FAP: variants seen among roughly 807,000 people sequenced by gnomAD.
FAP encodes the protein fibroblast activation protein alpha, also known as prolyl endopeptidase FAP.
Under a neutral mutation model 126.5 loss-of-function variants are expected in FAP, and 110 were observed. That is an observed-to-expected ratio of 0.87 (90% CI 0.74 to 1.02). The LOEUF (loss-of-function observed/expected upper bound fraction) is 1.02, where lower values mean the gene tolerates loss of function less well. Ranked by LOEUF, FAP falls within the 50% of genes least tolerant of loss-of-function variation. FAP has a pLI of 0.00. For missense variants in FAP, 919 were observed against 909.2 expected (o/e 1.01, Z -0.14); for synonymous variants, 334 against 297.3 (o/e 1.12, Z -1.27).
chr2:162,242,068 T>C (rs1189670363), intron 2 of FAP, among the ~76,000 whole-genome samples: 1 of 152,178 alleles, frequency 6.6e-6, no homozygotes, highest in Non-Finnish European at 1.5e-5. Context: ...TCATAAACTT[T>C]TAGTATTTAT....
intron 18 of FAP, among the ~76,000 whole-genome samples, chr2:162,189,414 T>C (rs1390023230): frequency 6.6e-6 from 1 of 151,956 alleles, no homozygotes; most frequent in Non-Finnish European, 1.5e-5. Context: ...ATAAGCTCTT[T>C]TTAAAAAAAC....
At chr2:162,172,993 C>T (rs1352744010) in intron 24 of FAP, 109 bp from the exon 25 acceptor site, 4 of 1,116,894 alleles carry the variant, frequency 3.6e-6, no homozygotes, top group Non-Finnish European at 5.5e-6. Context: ...ATGCATTTGA[C>T]ATTGTCAGCA....
chr2:162,197,800 C>A, intron 16 of FAP: 1 of 355,652 alleles, frequency 2.8e-6, no homozygotes, highest in Non-Finnish European at 5.5e-6. Context: ...CATACCCCTA[C>A]CAGGGGAGCT....
At chr2:162,171,324 A>G (rs1021452701) in intron 25 of FAP, 2 of 344,640 alleles carry the variant, frequency 5.8e-6, no homozygotes, top group Non-Finnish European at 1.1e-5. Flanking sequence ...ATCTCGCATC[A>G]TCCAGCATCC....
intron 17 of FAP, among the ~76,000 whole-genome samples, chr2:162,190,364 A>G (rs1447333599): frequency 6.6e-6 from 1 of 151,972 alleles, no homozygotes; most frequent in Non-Finnish European, 1.5e-5. Context: ...GTAGTGATAT[A>G]TCTGAGTAAG....
At chr2:162,216,049 C>T (rs906356710) in intron 9 of FAP, 48 bp from the exon 10 acceptor site, 6 of 1,361,496 alleles carry the variant, frequency 4.4e-6, no homozygotes, top group African/African-American at 4.3e-5. Context: ...CCAATTATCA[C>T]CAACATTTTA....
chr2:162,235,219 G>A (rs993865105), intron 2 of FAP, among the ~76,000 whole-genome samples: 2 of 139,924 alleles, frequency 1.4e-5, no homozygotes, highest in Admixed American at 7.1e-5. Flanking sequence ...GCTCCTGCAC[G>A]GCCTGAGCCT....
At chr2:162,198,042 T>A in intron 16 of FAP, 1 of 633,312 alleles carries the variant, frequency 1.6e-6, no homozygotes, top group South Asian at 1.9e-5. Flanking sequence ...ATGCTCAAGA[T>A]ATAGATAAAA....
rs947333720 is a variant in FAP at position 162,219,324 on chromosome 2, G to T, written c.487-141C>A. 9 of 730,432 alleles carry T rather than the reference G, an allele frequency of 1.2e-5. No homozygotes were observed. In the South Asian group the frequency reaches 1.9e-4, roughly 15 times the overall value. The allele number at this position is 730,432 out of a possible 1,614,324, so 45.2% of individuals were successfully genotyped here. ...CACAACTAAAATACCATTTTAATAG[G>T]TCAAAAAATCCAACCAACTCACATT... On this transcript the variant is annotated intron_variant, in intron 7 of 25. Coordinates refer to ENST00000188790, the MANE Select transcript of FAP (RefSeq NM_004460.5).
At chr2:162,190,199 T>C (rs1337553845) in intron 17 of FAP, among the ~76,000 whole-genome samples, 1 of 152,116 alleles carries the variant, frequency 6.6e-6, no homozygotes. Flanking sequence ...AATTTGCTTT[T>C]TAATTTTTAA....
intron 11 of FAP, among the ~76,000 whole-genome samples, chr2:162,210,642 C>T (rs1034787498): frequency 2.6e-5 from 4 of 152,084 alleles, no homozygotes; most frequent in African/African-American, 9.7e-5. Context: ...AACTTTATGG[C>T]ACCCTAAGAA....
intron 14 of FAP, among the ~76,000 whole-genome samples, chr2:162,202,047 T>C (rs902663862): frequency 6.6e-6 from 1 of 152,242 alleles, no homozygotes; most frequent in Non-Finnish European, 1.5e-5. Flanking sequence ...TTTTATTCCA[T>C]GAGCCTGGAC....
intron 6 of FAP, chr2:162,221,727 A>G: frequency 2.2e-6 from 1 of 456,658 alleles, no homozygotes; most frequent in Non-Finnish European, 4.4e-6. Context: ...TTTCTGAGTC[A>G]CTAAAGGTAT....
At chr2:162,206,849 A>G (rs77457066) in intron 12 of FAP, among the ~76,000 whole-genome samples, 5,336 of 152,326 alleles carry the variant, frequency 0.035, 141 homozygotes, top group Non-Finnish European at 0.053. Flanking sequence ...TAAAGTTCGC[A>G]GGAAACCTAT....
chr2:162,180,838 A>C (rs1687671746), intron 21 of FAP, among the ~76,000 whole-genome samples: 1 of 152,198 alleles, frequency 6.6e-6, no homozygotes, highest in Admixed American at 6.5e-5. Flanking sequence ...CATTTGAAAC[A>C]TGGAGCACAG....
intron 12 of FAP, chr2:162,209,735 T>A: frequency 1.9e-6 from 1 of 517,386 alleles, no homozygotes. Context: ...AATTGGGACA[T>A]GAGGAGTATG....
chr2:162,195,087 G>A, intron 16 of FAP: 1 of 288,908 alleles, frequency 3.5e-6, no homozygotes. Flanking sequence ...TATTGGGCCA[G>A]TTTTGGCTGT....
intron 16 of FAP, 162 bp from the exon 17 acceptor site, chr2:162,194,910 T>A: frequency 1.5e-6 from 1 of 654,228 alleles, no homozygotes; most frequent in Non-Finnish European, 2.8e-6. Context: ...CACTTCTAAG[T>A]CACATTTAAA....
chr2:162,207,714 ATTT>A (rs549071406), intron 12 of FAP, among the ~76,000 whole-genome samples: 1 of 141,738 alleles, frequency 7.1e-6, no homozygotes, highest in Non-Finnish European at 1.6e-5. Flanking sequence ...CACTGAGGGC[ATTT>A]TTTTTTTTTT....
Sources: gnomAD v4.1 joint callset for allele counts (sites outside exome capture counted in the v4.1 genomes callset) on GRCh38, gnomAD v4.1.1 for gene constraint, MANE v1.5 for transcripts, NCBI Gene and HGNC (gene_info 2026-07-23, HGNC 2026-07-21) for gene names.